CAST: variants seen among roughly 807,000 people sequenced by gnomAD.
The protein encoded by CAST is MIR583 host.
CAST carries 76 observed loss-of-function variants against 119.6 expected under a neutral mutation model. The observed-to-expected ratio is 0.64, with a 90% CI of 0.53 to 0.77. CAST has a LOEUF of 0.77. Among genes scored for constraint, CAST ranks in the 30% least tolerant of loss-of-function variants. CAST has a pLI of 0.00. For synonymous variants in CAST, 319 were observed against 331.6 expected, an observed-to-expected ratio of 0.96 and a Z score of 0.41; for missense variants, 953 against 946.5, an observed-to-expected ratio of 1.01 and a Z score of -0.09.
upstream of CAST, among the ~76,000 whole-genome samples, chr5:96,659,190 A>C (rs1307498284): frequency 6.6e-6 from 1 of 152,222 alleles, no homozygotes; most frequent in Non-Finnish European, 1.5e-5. Flanking sequence ...ATATAATGAA[A>C]AAGGTTGAGG....
At chr5:96,401,250 G>T in the CAST span, among the ~76,000 whole-genome samples, 143 of 152,300 alleles carry the variant, frequency 9.4e-4, no homozygotes, top group Middle Eastern at 6.8e-3. Flanking sequence ...AAAACTTTGT[G>T]GGGGAGAAAT....
At chr5:95,984,584 T>C in the CAST span, among the ~76,000 whole-genome samples, 1 of 152,192 alleles carries the variant, frequency 6.6e-6, no homozygotes, top group Non-Finnish European at 1.5e-5. Context: ...CCAAGTAGAT[T>C]CTACACTTTG....
chr5:95,997,396 C>T, the CAST span, among the ~76,000 whole-genome samples: 1 of 152,068 alleles, frequency 6.6e-6, no homozygotes, highest in Non-Finnish European at 1.5e-5. Flanking sequence ...TGAAATAGTA[C>T]CTTCTAACAC....
chr5:96,365,950 T>C, the CAST span, among the ~76,000 whole-genome samples: 1 of 152,250 alleles, frequency 6.6e-6, no homozygotes, highest in Non-Finnish European at 1.5e-5. Flanking sequence ...TGGCATGTTT[T>C]TGCAGTGGCT....
chr5:96,252,430 C>T, the CAST span, among the ~76,000 whole-genome samples: 1 of 152,082 alleles, frequency 6.6e-6, no homozygotes, highest in South Asian at 2.1e-4. Context: ...TGTTTCTGCC[C>T]TCACAAAACT....
the CAST span, among the ~76,000 whole-genome samples, chr5:96,472,273 T>TGGAA: frequency 6.6e-6 from 1 of 152,202 alleles, no homozygotes; most frequent in African/African-American, 2.4e-5. Context: ...AGATTTAATC[T>TGGAA]GGAAGGATGG....
At chr5:96,507,566 G>C in the CAST span, among the ~76,000 whole-genome samples, 1 of 152,130 alleles carries the variant, frequency 6.6e-6, no homozygotes, top group African/African-American at 2.4e-5. Context: ...AGCCCTTTCT[G>C]AATATTAGAG....
the CAST span, among the ~76,000 whole-genome samples, chr5:96,087,819 C>G: frequency 6.6e-6 from 1 of 152,038 alleles, no homozygotes; most frequent in Non-Finnish European, 1.5e-5. Context: ...CAACCTCTAC[C>G]CAGCAACCTC....
chr5:96,649,304 T>G (rs1748062574), intron 1 of CAST, among the ~76,000 whole-genome samples: 1 of 152,220 alleles, frequency 6.6e-6, no homozygotes, highest in Non-Finnish European at 1.5e-5. Context: ...TTATACAGTC[T>G]CAACACAAAC....
the CAST span, among the ~76,000 whole-genome samples, chr5:96,315,951 T>C: frequency 6.6e-6 from 1 of 152,272 alleles, no homozygotes; most frequent in African/African-American, 2.4e-5. Flanking sequence ...GAAGCTGTTG[T>C]GGACCATTCA....
chr5:96,735,361 T>C (rs750144878), intron 9 of CAST, among the ~76,000 whole-genome samples: 2 of 152,196 alleles, frequency 1.3e-5, no homozygotes, highest in Non-Finnish European at 2.9e-5. Flanking sequence ...TACCTTCAAA[T>C]GGGAAATGGT....
At chr5:96,614,532 A>C (rs901298735) in intron 1 of CAST, among the ~76,000 whole-genome samples, 1 of 152,224 alleles carries the variant, frequency 6.6e-6, no homozygotes, top group Admixed American at 6.5e-5. Flanking sequence ...AGAAAAGGAA[A>C]CATGATTTGA....
At chr5:96,471,764 CTGTGTGTGTG>C in the CAST span, among the ~76,000 whole-genome samples, 2 of 70,596 alleles carry the variant, frequency 2.8e-5, no homozygotes, top group Non-Finnish European at 3.1e-5. Flanking sequence ...CAAATGGAGT[CTGTGTGTGTG>C]TGTGTGTGTG....
chr5:96,238,359 T>A, the CAST span, among the ~76,000 whole-genome samples: 8 of 127,662 alleles, frequency 6.3e-5, no homozygotes, highest in Middle Eastern at 3.7e-3. Flanking sequence ...CTTCATCTTC[T>A]TCTTCTCCTT....
At chr5:96,153,596 T>G in the CAST span, among the ~76,000 whole-genome samples, 10 of 152,308 alleles carry the variant, frequency 6.6e-5, no homozygotes, top group Admixed American at 1.3e-4. Context: ...AAGCTCATTT[T>G]CCTCCTTTAG....
the CAST span, among the ~76,000 whole-genome samples, chr5:96,148,320 G>T: frequency 6.6e-6 from 1 of 152,120 alleles, no homozygotes; most frequent in African/African-American, 2.4e-5. Context: ...ATGCTTGATT[G>T]GTAGCAGTCA....
chr5:96,626,857 G>A (rs1747734223), intron 1 of CAST, among the ~76,000 whole-genome samples: 1 of 152,216 alleles, frequency 6.6e-6, no homozygotes, highest in Non-Finnish European at 1.5e-5. Context: ...ATCAACATTT[G>A]TTAAATAAAT....
the CAST span, among the ~76,000 whole-genome samples, chr5:96,197,964 G>A: frequency 6.6e-6 from 1 of 152,086 alleles, no homozygotes; most frequent in Non-Finnish European, 1.5e-5. Flanking sequence ...TCACTATATT[G>A]CCCAGGCAAT....
the CAST span, among the ~76,000 whole-genome samples, chr5:96,094,132 A>G: frequency 6.6e-6 from 1 of 152,352 alleles, no homozygotes; most frequent in African/African-American, 2.4e-5. Flanking sequence ...TTAAATACAC[A>G]GAAAAAGATC....
Sources: allele counts gnomAD v4.1 joint callset (sites outside exome capture counted in the v4.1 genomes callset), GRCh38; gene constraint gnomAD v4.1.1; transcripts MANE v1.5; gene names NCBI Gene and HGNC (gene_info 2026-07-23, HGNC 2026-07-21).